The following GOLGA1 variants were observed in gnomAD, a reference collection of about 807,000 sequenced individuals.
GOLGA1 encodes golgin A1, also known as golgin subfamily A member 1.
Under a neutral mutation model 119.7 loss-of-function variants are expected in GOLGA1, and 63 were observed. The observed-to-expected ratio is 0.53, with a 90% CI of 0.43 to 0.65. The LOEUF is 0.65. Ranked by LOEUF, GOLGA1 falls within the 30% of genes least tolerant of loss-of-function variation. The pLI is 0.00. For missense variants in GOLGA1, 798 were observed against 912.8 expected (o/e 0.87, Z 1.62); for synonymous variants, 318 against 333.4 (o/e 0.95, Z 0.50).
chr9:124,927,676 T>C (rs531604836), intron 6 of GOLGA1, among the ~76,000 whole-genome samples: 4 of 152,334 alleles, frequency 2.6e-5, no homozygotes, highest in Admixed American at 6.5e-5. Flanking sequence ...TTTCCTTCCT[T>C]GTGGTTATTC....
In GOLGA1 at chr9:124,938,749, T is replaced by C. The variant is rs769975777; in HGVS notation, c.-38A>G. ...GCTATCCTGCACAGATGACGAGCTC[T>C]CAGTAGTCCTGGTGCCTGTGTTCAG... On this transcript the variant is annotated 5_prime_UTR_variant, in exon 3 of 23. Coordinates refer to ENST00000373555, the MANE Select transcript of GOLGA1 (RefSeq NM_002077.4). 1 of 1,582,660 alleles carries C rather than the reference T, an allele frequency of 6.3e-7. No individual in the cohort carries two copies. The highest frequency in any genetic ancestry group is 1.1e-5 in the South Asian group (1 of 87,796).
At chr9:124,890,274 G>A (rs1428462756) in intron 16 of GOLGA1, 115 bp downstream of exon 16, 9 of 735,424 alleles carry the variant, frequency 1.2e-5, no homozygotes, top group Non-Finnish European at 2.2e-5. Flanking sequence ...TGAGTCCTGA[G>A]TCTACTACCC....
chr9:124,886,743 A>G (rs1829729350), intron 19 of GOLGA1, among the ~76,000 whole-genome samples: 2 of 152,012 alleles, frequency 1.3e-5, no homozygotes, highest in Admixed American at 6.6e-5. Flanking sequence ...AGGTGGGGGA[A>G]CAGGATATGA....
chr9:124,881,322 AGCT>A lies in GOLGA1; in HGVS notation c.2137-68_2137-66del. The A allele has an allele frequency of 1.1e-6, 1 of 889,566 alleles. No homozygotes were observed. The allele number at this position is 889,566 out of a possible 1,614,324, so 55.1% of individuals were successfully genotyped here. On this transcript the variant is annotated intron_variant, in intron 21 of 22. Transcript: ENST00000373555. This position sits in a 1 kb window ranked among gnomAD's most constrained non-coding sequence, Gnocchi z 4.9. ...AGGTGAGGCGGGGTGGGGTCGGGGG[AGCT>A]ACGTGGCATTTCCTGCTTGCTTTGG...
intron 10 of GOLGA1, among the ~76,000 whole-genome samples, chr9:124,915,475 C>T (rs1274422871): frequency 1.3e-5 from 2 of 152,296 alleles, no homozygotes; most frequent in Non-Finnish European, 2.9e-5. Flanking sequence ...CATCTAGCAC[C>T]GTTTCCACTT....
At chr9:124,944,872 GAGAAA>G (rs1831121272), upstream of GOLGA1, 1 of 152,156 alleles carries the variant, frequency 6.6e-6, no homozygotes, top group Non-Finnish European at 1.5e-5. Context: ...AGCTTCAGAA[GAGAAA>G]AGAAAATCAG....
At chr9:124,942,052 G>T (rs1564350015), upstream of GOLGA1, among the ~76,000 whole-genome samples, 1 of 152,294 alleles carries the variant, frequency 6.6e-6, no homozygotes, top group East Asian at 1.9e-4. Context: ...GAGGCGGGTG[G>T]TTCACCCGAG....
intron 15 of GOLGA1, among the ~76,000 whole-genome samples, chr9:124,897,398 G>A (rs920584469): frequency 6.6e-6 from 1 of 152,150 alleles, no homozygotes; most frequent in Non-Finnish European, 1.5e-5. Flanking sequence ...AGGCTGGAGT[G>A]CAGTGGCATG....
chr9:124,899,601 C>T (rs982555719), intron 13 of GOLGA1, 123 bp from the exon 14 acceptor site: 4 of 991,470 alleles, frequency 4.0e-6, no homozygotes, highest in South Asian at 3.2e-5. Context: ...CCCCATCCCC[C>T]CTGGCGTTGC....
Position 124,879,754 on chromosome 9 carries a change from AT to A in GOLGA1, c.*775del, listed in dbSNP as rs1648923808. ...AAATGGATTTTATAGTACAGAAGAC[AT>A]GTTTATAGTAGTGAAGAACTTCAGC... On this transcript the variant is annotated 3_prime_UTR_variant, in exon 23 of 23. Coordinates refer to ENST00000373555, the MANE Select transcript of GOLGA1 (RefSeq NM_002077.4). 1.6e-5 allele frequency: 1 copy of A among 64,298 alleles called. No homozygotes were observed. The highest frequency in any genetic ancestry group is 3.3e-5 in the Non-Finnish European group (1 of 30,714). 4.0% of individuals were successfully genotyped at this position (64,298 alleles called of 1,614,324 possible). A position where few individuals can be genotyped will look rare whatever the true frequency, so the allele number is the denominator to read the frequency against.
Position 124,928,815 on chromosome 9 carries a change from A to G in GOLGA1, c.301+401T>C, listed in dbSNP as rs1023827296. On this transcript the variant is annotated intron_variant, in intron 5 of 22. Coordinates refer to ENST00000373555, the MANE Select transcript of GOLGA1 (RefSeq NM_002077.4). ...ATTGAGGGTAGACTACACAAAATGT[A>G]TGATTTATTGCTGAGGGAGTGATGA... Among the ~76,000 whole-genome samples the G allele has an allele frequency of 3.9e-5, 6 of 152,318 alleles. No homozygotes were observed. The South Asian group carries it at 8.3e-4, about 21-fold the overall frequency.
chr9:124,923,674 A>C (rs1206341601), intron 7 of GOLGA1, among the ~76,000 whole-genome samples: 2 of 150,636 alleles, frequency 1.3e-5, no homozygotes, highest in Middle Eastern at 3.2e-3. Flanking sequence ...TTTTTGGTAG[A>C]GACAGGATCT....
At chr9:124,929,587 C>G (rs1442271072) in intron 4 of GOLGA1, among the ~76,000 whole-genome samples, 1 of 152,204 alleles carries the variant, frequency 6.6e-6, no homozygotes, top group Non-Finnish European at 1.5e-5. Flanking sequence ...CTATGAAAAA[C>G]ACAGATTTAT....
chr9:124,906,432 A>G (rs1830233976), intron 12 of GOLGA1, among the ~76,000 whole-genome samples: 1 of 150,254 alleles, frequency 6.7e-6, no homozygotes. Context: ...CTCTATCTCA[A>G]AAAAAAAGAA....
At chr9:124,947,537 A>G (rs987405107) in intron 1 of GOLGA1, 4 of 152,208 alleles carry the variant, frequency 2.6e-5, no homozygotes, top group Admixed American at 6.5e-5. Flanking sequence ...GAACAATGCC[A>G]CTAGGATGTC....
At position 124,880,519 on chromosome 9, in the gene GOLGA1, G is replaced by A. The variant is rs1564317230; in HGVS notation, c.*11C>T. The A allele has an allele frequency of 2.7e-5, 41 of 1,504,444 alleles. No individual in the cohort carries two copies. Among genetic ancestry groups the A allele is most frequent in the Non-Finnish European group, 3.8e-5 (41 of 1,080,228 alleles). 93.2% of individuals were successfully genotyped at this position (1,504,444 alleles called of 1,614,324 possible). A position where few individuals can be genotyped will look rare whatever the true frequency, so the allele number is the denominator to read the frequency against. On this transcript the variant is annotated 3_prime_UTR_variant, in exon 23 of 23. Transcript: ENST00000373555. ...GTCAACCCACGGAGCTCCATCCTTG[G>A]GTAGTCCCCTCTAGGACCATGGTAT...
intron 3 of GOLGA1, among the ~76,000 whole-genome samples, chr9:124,933,261 G>T (rs1055192728): frequency 6.6e-6 from 1 of 152,122 alleles, no homozygotes; most frequent in African/African-American, 2.4e-5. Context: ...CCTTAGAAAG[G>T]CCTGCTTTTA....
rs180817312 is a variant in GOLGA1, at chr9:124,901,128, T to C, written c.1066-581A>G. 5.7e-3 allele frequency among the ~76,000 whole-genome samples: 853 copies of C among 148,536 alleles called. 5 individuals are homozygous for C. Among genetic ancestry groups the C allele is most frequent in the Non-Finnish European group, 9.5e-3 (636 of 66,848 alleles). On this transcript the variant is annotated intron_variant, in intron 12 of 22. Transcript: ENST00000373555. Reference sequence around the variant, plus strand: ...CTGGGACTACAGGTGCCCGCTACCATGCCCAGCTAATTTTTTGTATTTTTA... The same window carrying C: ...CTGGGACTACAGGTGCCCGCTACCACGCCCAGCTAATTTTTTGTATTTTTA...
Position 124,905,965 on chromosome 9 carries a change from T to C in GOLGA1, c.1065+2412A>G, listed in dbSNP as rs187181201. ...CCGTCTCTGCTAAAAATACAAAAAT[T>C]AGTCGGGCGTGGTGGCACGTGCCTG... is the stretch of plus-strand genomic sequence containing the variant. On this transcript the variant is annotated intron_variant, in intron 12 of 22. Coordinates refer to ENST00000373555, the MANE Select transcript of GOLGA1 (RefSeq NM_002077.4). Among the ~76,000 whole-genome samples the C allele has an allele frequency of 7.3e-3, 1,091 of 148,950 alleles. 5 individuals carry two copies. The highest frequency in any genetic ancestry group is 0.012 in the Non-Finnish European group (819 of 67,286).
Sources: gnomAD v4.1 joint callset for allele counts (sites outside exome capture counted in the v4.1 genomes callset) on GRCh38, gnomAD v4.1.1 for gene constraint, Gnocchi (gnomAD v3.1) non-coding constraint, MANE v1.5 for transcripts, NCBI Gene and HGNC (gene_info 2026-07-23, HGNC 2026-07-21) for gene names.